CAMSAP3: variants seen among roughly 807,000 people sequenced by gnomAD.
The protein encoded by CAMSAP3 is calmodulin regulated spectrin associated protein family member 3.
A neutral mutation model predicts 112.5 loss-of-function variants in CAMSAP3; 34 were observed. The observed-to-expected ratio is 0.30, with a 90% CI of 0.23 to 0.40. The LOEUF (loss-of-function observed/expected upper bound fraction) is 0.40, where lower values mean the gene tolerates loss of function less well. Ranked by LOEUF, CAMSAP3 falls within the 10% of genes least tolerant of loss-of-function variation. The pLI is 1.00. For missense variants in CAMSAP3, 1,602 were observed against 1,770.3 expected (o/e 0.90, Z 1.71); for synonymous variants, 868 against 799.8 (o/e 1.09, Z -1.44).
At chr19:7,596,239 G>C in intron 1 of CAMSAP3, 89 bp downstream of exon 1, 1 of 683,156 alleles carries the variant, frequency 1.5e-6, no homozygotes, top group Non-Finnish European at 1.8e-6. Context: ...CGGGAAGGCA[G>C]GGGGCCGTGG....
intron 1 of CAMSAP3, among the ~76,000 whole-genome samples, chr19:7,597,276 T>C (rs1329932020): frequency 6.6e-6 from 1 of 152,138 alleles, no homozygotes; most frequent in Admixed American, 6.6e-5. Flanking sequence ...AGTCTCTGTC[T>C]GCGTCGTTCC....
chr19:7,616,230 T>TG (rs1212021916), intron 13 of CAMSAP3, among the ~76,000 whole-genome samples: 1 of 149,370 alleles, frequency 6.7e-6, no homozygotes, highest in African/African-American at 2.5e-5. Context: ...CATAGGGATG[T>TG]GGGGTGCAGT....
chr19:7,599,320 C>CCACTCATCCATCCACCCACG (rs2029863331), intron 1 of CAMSAP3, among the ~76,000 whole-genome samples: 1 of 131,640 alleles, frequency 7.6e-6, no homozygotes, highest in Non-Finnish European at 1.6e-5. Flanking sequence ...TCCACCCACC[C>CCACTCATCCATCCACCCACG]CACTCATCCA....
chr19:7,615,012 C>G lies in CAMSAP3; in HGVS notation c.2671-171C>G. On this transcript the variant is annotated intron_variant, in intron 11 of 16. Transcript: ENST00000160298. The surrounding 1 kb of genome is among the most constrained non-coding windows in gnomAD (Gnocchi z 6.5). ...CCAGTGTATCCCATCCCTGTTGTGT[C>G]CCAGTACTTAGTGTGGGGCTGTGCA... The G allele has an allele frequency of 1.3e-6, 1 of 741,368 alleles. No individual in the cohort carries two copies. The highest frequency in any genetic ancestry group is 2.3e-6 in the Non-Finnish European group (1 of 435,440). 45.9% of individuals were successfully genotyped at this position (741,368 alleles called of 1,614,324 possible). A position where few individuals can be genotyped will look rare whatever the true frequency, so the allele number is the denominator to read the frequency against.
At chr19:7,604,374 A>T (rs930373369) in intron 1 of CAMSAP3, among the ~76,000 whole-genome samples, 4 of 152,020 alleles carry the variant, frequency 2.6e-5, no homozygotes, top group African/African-American at 4.8e-5. Context: ...CATCTCTCTA[A>T]GCCCCAGCCT....
At position 7,596,165 on chromosome 19, in the gene CAMSAP3, G is replaced by C; in HGVS notation, c.148+15G>C. 9.9e-7 allele frequency: 1 copy of C among 1,008,808 alleles called. No individual in the cohort carries two copies. The highest frequency in any genetic ancestry group is 1.2e-6 in the Non-Finnish European group (1 of 832,412). 62.5% of individuals were successfully genotyped at this position (1,008,808 alleles called of 1,614,324 possible). On this transcript the variant is annotated intron_variant, in intron 1 of 16. Coordinates refer to ENST00000160298, the MANE Select transcript of CAMSAP3 (RefSeq NM_020902.2). ...CGGGGGCGCAGGTACCGGGGCTCGG[G>C]GGACCGGGGTCGGGGGCGGCGGGCC...
In CAMSAP3 at chr19:7,610,884, C is replaced by A. The variant is rs764565938; in HGVS notation, c.1002C>A (p.Ser334=). Residue 334 remains serine, a synonymous_variant, in exon 8 of 17, where the codon TCC becomes TCA. Transcript: ENST00000160298. This position sits in a 1 kb window ranked among gnomAD's most constrained non-coding sequence, Gnocchi z 4.9. The part of the protein sequence containing the change: ...VKDLPDGHAA[S]PRGTEASPPQ... ...CTCTTCTCTGTACTGCAGCTGCCTCCCCCCGGGGCACTGAGGCCTCCCCAC... is the reference window on the plus strand; with the variant it reads ...CTCTTCTCTGTACTGCAGCTGCCTCACCCCGGGGCACTGAGGCCTCCCCAC... 1.3e-6 allele frequency: 2 copies of A among 1,596,810 alleles called. No homozygotes were observed. The highest frequency in any genetic ancestry group is 2.3e-5 in the South Asian group (2 of 88,828).
At chr19:7,599,782 C>CCCGCCCATCCATCCAA (rs1193844200) in intron 1 of CAMSAP3, among the ~76,000 whole-genome samples, 5 of 97,150 alleles carry the variant, frequency 5.1e-5, no homozygotes, top group Non-Finnish European at 6.2e-5. Flanking sequence ...CACTCATCCA[C>CCCGCCCATCCATCCAA]CCGCCCATCC....
chr19:7,612,391 G>A lies in CAMSAP3; in HGVS notation c.1898G>A (p.Gly633Asp). The A allele has an allele frequency of 6.3e-7, 1 of 1,596,584 alleles. No homozygotes were observed. The highest frequency in any genetic ancestry group is 8.5e-7 in the Non-Finnish European group (1 of 1,174,562). ...AIFAKHRQRL[G>D]KSAFLQVQPR... The stretch of plus-strand genomic sequence containing the variant: ...TTCGCCAAGCACCGCCAGCGGCTGG[G>A]CAAAAGCGCCTTCCTGCAGGTGCAG... The change falls in exon 11 of 17, where the codon GGC becomes GAC. Residue 633 changes from glycine to aspartate, a missense_variant. Around this residue, in one of 6 missense-constraint regions of CAMSAP3, gnomAD observed 1,100 missense variants for 1,135.7 expected, o/e 0.97. Coordinates refer to ENST00000160298, the MANE Select transcript of CAMSAP3 (RefSeq NM_020902.2).
intron 1 of CAMSAP3, among the ~76,000 whole-genome samples, chr19:7,603,339 C>T (rs62113381): frequency 0.12 from 18,111 of 151,932 alleles, 1,172 homozygotes; most frequent in Non-Finnish European, 0.15. Context: ...CTCGGCTTCC[C>T]GAGTAGCTGG....
intron 13 of CAMSAP3, 85 bp from the exon 14 acceptor site, chr19:7,616,438 T>C (rs2030794465): frequency 1.0e-6 from 1 of 984,962 alleles, no homozygotes; most frequent in South Asian, 1.3e-5. Context: ...TGACTCCTCC[T>C]GTGTTCCCCC....
intron 13 of CAMSAP3, chr19:7,616,293 T>A: frequency 2.0e-6 from 1 of 488,548 alleles, no homozygotes; most frequent in Non-Finnish European, 3.7e-6. Flanking sequence ...TTTGGGAGTA[T>A]GTTTGGGGTG....
At chr19:7,596,273 G>A (rs1380932270) in intron 1 of CAMSAP3, 123 bp downstream of exon 1, 1 of 394,726 alleles carries the variant, frequency 2.5e-6, no homozygotes, top group East Asian at 1.5e-4. Context: ...GGCCGCCGGG[G>A]GTCCCCGGGC....
intron 1 of CAMSAP3, among the ~76,000 whole-genome samples, chr19:7,599,749 A>T (rs1444591003): frequency 1.2e-5 from 1 of 82,386 alleles, no homozygotes; most frequent in East Asian, 3.8e-4. Flanking sequence ...TCATCCATCC[A>T]ACCACGCACT....
At chr19:7,599,498 TCATCCATCCACC>T (rs1247354807) in intron 1 of CAMSAP3, among the ~76,000 whole-genome samples, 1 of 36,310 alleles carries the variant, frequency 2.8e-5, no homozygotes, top group Non-Finnish European at 4.9e-5. Context: ...ACCCACGCAC[TCATCCATCCACC>T]CATCCATCCA....
chr19:7,608,215 G>C lies in CAMSAP3; in HGVS notation c.711G>C (p.Ala237=), dbSNP rs199927493. ...TSLQDLASGA[A]LAATIHCYCP... is the part of the protein sequence containing the mutation. The stretch of plus-strand genomic sequence containing the variant: ...TCCAGGACCTGGCCAGTGGGGCCGC[G>C]CTGGCCGCCACCATCCACTGCTATT... Residue 237 remains alanine, a synonymous_variant, in exon 5 of 17, where the codon GCG becomes GCC. Transcript: ENST00000160298. 6 of 1,612,642 alleles carry C rather than the reference G, an allele frequency of 3.7e-6. 1 individual carries two copies. The highest frequency in any genetic ancestry group is 8.5e-7 in the Non-Finnish European group (1 of 1,179,870).
At position 7,615,203 on chromosome 19, in the gene CAMSAP3, C is replaced by T. The variant is rs2030711573; in HGVS notation, c.2691C>T (p.Asp897=). The change falls in exon 12 of 17, where the codon GAC becomes GAT. Residue 897 remains aspartate (D), a synonymous_variant. Transcript: ENST00000160298. This position sits in a 1 kb window ranked among gnomAD's most constrained non-coding sequence, Gnocchi z 6.5. The stretch of plus-strand genomic sequence containing the variant: ...CCCAGGATGAAGACAAGCCTGAGGA[C>T]GAGATGGCCCAAAAGCGGGCCAGCC... The part of the protein sequence containing the change: ...FFYKDEDKPE[D]EMAQKRASLL... The T allele has an allele frequency of 1.3e-6, 2 of 1,553,976 alleles. No homozygotes were observed. Among genetic ancestry groups the T allele is most frequent in the South Asian group, 1.2e-5 (1 of 84,270 alleles).
rs1052326408 is a variant in CAMSAP3, at chr19:7,611,783, G to T, written c.1290G>T (p.Val430=). Residue 430 remains valine (V), a synonymous_variant, in exon 11 of 17, where the codon GTG becomes GTT. Coordinates refer to ENST00000160298, the MANE Select transcript of CAMSAP3 (RefSeq NM_020902.2). This position sits in a 1 kb window ranked among gnomAD's most constrained non-coding sequence, Gnocchi z 6.9. The part of the protein sequence containing the change: ...VMGDPVLLRS[V]SSDSLGPPRP... ...GAGACCCTGTGCTCCTCCGCTCTGTGAGCTCGGACAGCCTGGGCCCCCCGC... is the reference window on the plus strand; with the variant it reads ...GAGACCCTGTGCTCCTCCGCTCTGTTAGCTCGGACAGCCTGGGCCCCCCGC... 6 of 1,597,514 alleles carry T rather than the reference G, an allele frequency of 3.8e-6. No homozygotes were observed. The Admixed American group carries it at 8.5e-5, about 23-fold the overall frequency.
rs779412443 is a variant in CAMSAP3, at chr19:7,617,973, C to T, written c.3666C>T (p.Ser1222=). 1.9e-5 allele frequency: 30 copies of T among 1,614,034 alleles called. No homozygotes were observed. The highest frequency in any genetic ancestry group is 2.2e-5 in the East Asian group (1 of 44,890). The change falls in exon 17 of 17, where the codon AGC becomes AGT. Residue 1222 remains serine, a synonymous_variant. Transcript: ENST00000160298. The surrounding 1 kb of genome is among the most constrained non-coding windows in gnomAD (Gnocchi z 7.5). ...TCCCCGCCAAGACCATGTCCATGAG[C>T]GTCGATGCCTTCACCATCCAGGGAC... The part of the protein sequence containing the change: ...TQIPAKTMSM[S]VDAFTIQGHL...
Sources: allele counts gnomAD v4.1 joint callset (sites outside exome capture counted in the v4.1 genomes callset), GRCh38; gene constraint gnomAD v4.1.1; regional missense constraint gnomAD v4.1.1; non-coding constraint Gnocchi (gnomAD v3.1); transcripts MANE v1.5; gene names NCBI Gene and HGNC (gene_info 2026-07-23, HGNC 2026-07-21).